PCDHGB1: variants seen among roughly 807,000 people sequenced by gnomAD.
The protein encoded by PCDHGB1 is protocadherin gamma-B1.
In PCDHGB1, 34 loss-of-function variants were observed where a neutral mutation model predicts 56.6. That is an observed-to-expected ratio of 0.60 (90% CI 0.46 to 0.80). The LOEUF (loss-of-function observed/expected upper bound fraction) is 0.80, where lower values mean the gene tolerates loss of function less well. Among genes scored for constraint, PCDHGB1 ranks in the 30% least tolerant of loss-of-function variants. PCDHGB1 has a pLI of 0.00. For missense variants in PCDHGB1, 1,278 were observed against 1,204.6 expected, an observed-to-expected ratio of 1.06 and a Z score of -0.90; for synonymous variants, 561 against 505.9, an observed-to-expected ratio of 1.11 and a Z score of -1.46.
At chr5:141,436,425 G>A (rs2097823674) in intron 1 of PCDHGB1, among the ~76,000 whole-genome samples, 2 of 152,268 alleles carry the variant, frequency 1.3e-5, no homozygotes, top group Non-Finnish European at 2.9e-5. Context: ...AACAAATAAT[G>A]TACTCTGGGG....
intron 1 of PCDHGB1, among the ~76,000 whole-genome samples, chr5:141,434,530 A>G (rs1241680580): frequency 6.6e-6 from 1 of 152,226 alleles, no homozygotes; most frequent in African/African-American, 2.4e-5. Flanking sequence ...CTTAAACCAC[A>G]AACAATAGCA....
chr5:141,447,136 T>TTTTTTG (rs1304915683), intron 1 of PCDHGB1, among the ~76,000 whole-genome samples: 1 of 152,090 alleles, frequency 6.6e-6, no homozygotes, highest in Non-Finnish European at 1.5e-5. Context: ...TGTTTGTTTG[T>TTTTTTG]TTTTTGTTTT....
chr5:141,469,372 C>T (rs780872014), intron 1 of PCDHGB1, among the ~76,000 whole-genome samples: 2 of 151,990 alleles, frequency 1.3e-5, no homozygotes, highest in African/African-American at 2.4e-5. Context: ...GTAAAGAGAT[C>T]GAGACCATCC....
At chr5:141,419,542 G>C (rs771168003) in intron 1 of PCDHGB1, 3 of 1,612,016 alleles carry the variant, frequency 1.9e-6, no homozygotes, top group South Asian at 2.2e-5. Flanking sequence ...ACGCACCGCG[G>C]GTGCTGTACC....
At chr5:141,413,986 A>G (rs1464771336) in intron 1 of PCDHGB1, 1 of 1,613,554 alleles carries the variant, frequency 6.2e-7, no homozygotes, top group Admixed American at 1.7e-5. Flanking sequence ...AGTCACAGCC[A>G]CCGACAGGGA....
At chr5:141,410,666 T>C (rs376209053) in intron 1 of PCDHGB1, 1 of 1,566,008 alleles carries the variant, frequency 6.4e-7, no homozygotes, top group Non-Finnish European at 8.6e-7. Flanking sequence ...AGTCTACTAG[T>C]TTCTCATATT....
chr5:141,439,066 G>A (rs1004595196), intron 1 of PCDHGB1, among the ~76,000 whole-genome samples: 2 of 151,258 alleles, frequency 1.3e-5, no homozygotes, highest in African/African-American at 2.4e-5. Context: ...TGTGGCAGGC[G>A]CCTGTAATCC....
chr5:141,399,494 G>A, intron 1 of PCDHGB1: 1 of 1,614,032 alleles, frequency 6.2e-7, no homozygotes, highest in Non-Finnish European at 8.5e-7. Flanking sequence ...TACTTAGTCA[G>A]TGTACCCGAA....
chr5:141,421,467 G>T (rs1436543181), intron 1 of PCDHGB1: 1 of 1,614,132 alleles, frequency 6.2e-7, no homozygotes, highest in South Asian at 1.1e-5. Flanking sequence ...CTGTGAATCC[G>T]CGAAGCGGCA....
chr5:141,491,178 C>T lies in PCDHGB1; in HGVS notation c.2410-3629C>T, dbSNP rs774139827. 6.2e-7 allele frequency: 1 copy of T among 1,614,146 alleles called. No individual in the cohort carries two copies. The highest frequency in any genetic ancestry group is 8.5e-7 in the Non-Finnish European group (1 of 1,179,992). On this transcript the variant is annotated intron_variant, in intron 1 of 3. Coordinates refer to ENST00000523390, the MANE Select transcript of PCDHGB1 (RefSeq NM_018922.3). The surrounding 1 kb of genome is among the most constrained non-coding windows in gnomAD (Gnocchi z 6.9). ...ACTCTGACACCCAGCAGGTGGTGGT[C>T]CTGGTGAGGGACAATGGTGACCCTT...
intron 1 of PCDHGB1, chr5:141,415,513 G>A: frequency 6.2e-7 from 1 of 1,614,214 alleles, no homozygotes; most frequent in East Asian, 2.2e-5. Context: ...GCCCAATTAT[G>A]CGGACACGCT....
At chr5:141,370,225 C>T in intron 1 of PCDHGB1, 1 of 577,904 alleles carries the variant, frequency 1.7e-6, no homozygotes. Flanking sequence ...CCGCTGCAGC[C>T]AGCTCGGAAG....
At chr5:141,429,045 G>C (rs919761577) in intron 1 of PCDHGB1, 15 of 151,954 alleles carry the variant, frequency 9.9e-5, no homozygotes, top group African/African-American at 2.9e-4. Context: ...TAGTACAGAC[G>C]GGGTTTCACC....
chr5:141,407,345 T>C (rs1025383467), intron 1 of PCDHGB1, among the ~76,000 whole-genome samples: 2 of 152,188 alleles, frequency 1.3e-5, no homozygotes, highest in African/African-American at 4.8e-5. Flanking sequence ...TGTATGTTAA[T>C]TTGGGGAAAA....
Position 141,421,488 on chromosome 5 carries a change from G to A in PCDHGB1, c.2409+68819G>A. On this transcript the variant is annotated intron_variant, in intron 1 of 3. Transcript: ENST00000523390. ...ATCCGCGAAGCGGCAGCTTGATCAC[G>A]GCAGGCAGGATAGACCGGGAGGAGC... The A allele has an allele frequency of 1.9e-6, 3 of 1,614,100 alleles. No homozygotes were observed. In the South Asian group the frequency reaches 3.3e-5, roughly 18 times the overall value.
chr5:141,363,158 A>G (rs1432648043), intron 1 of PCDHGB1, among the ~76,000 whole-genome samples: 1 of 152,238 alleles, frequency 6.6e-6, no homozygotes, highest in Non-Finnish European at 1.5e-5. Context: ...GTGAGAAATC[A>G]TTCTCTAACA....
intron 2 of PCDHGB1, among the ~76,000 whole-genome samples, chr5:141,500,900 C>T (rs1309164700): frequency 4.0e-5 from 6 of 150,642 alleles, no homozygotes; most frequent in South Asian, 2.1e-4. Flanking sequence ...GAGACAGTCT[C>T]GCTCTGTCTC....
intron 1 of PCDHGB1, among the ~76,000 whole-genome samples, chr5:141,460,922 ATATGTGTGTGTG>A: frequency 6.6e-6 from 1 of 151,042 alleles, no homozygotes; most frequent in Non-Finnish European, 1.5e-5. Context: ...GTATATATAT[ATATGTGTGTGTG>A]TATATATATG....
Position 141,476,447 on chromosome 5 carries a change from G to A in PCDHGB1, c.2410-18360G>A. 2 of 1,614,130 alleles carry A rather than the reference G, an allele frequency of 1.2e-6. No homozygotes were observed. The highest frequency in any genetic ancestry group is 1.7e-6 in the Non-Finnish European group (2 of 1,180,026). On this transcript the variant is annotated intron_variant, in intron 1 of 3. Transcript: ENST00000523390. This position sits in a 1 kb window ranked among gnomAD's most constrained non-coding sequence, Gnocchi z 7.6. ...CTCTTGCACTGTAACTCTGGAGTTGGTAGTGGAGAACCCGCTGGAGCTGTT... is the reference window on the plus strand; with the variant it reads ...CTCTTGCACTGTAACTCTGGAGTTGATAGTGGAGAACCCGCTGGAGCTGTT...
Sources: allele counts gnomAD v4.1 joint callset (sites outside exome capture counted in the v4.1 genomes callset), GRCh38; gene constraint gnomAD v4.1.1; non-coding constraint Gnocchi (gnomAD v3.1); transcripts MANE v1.5; gene names NCBI Gene and HGNC (gene_info 2026-07-23, HGNC 2026-07-21).